NEK1: variants seen among roughly 807,000 people sequenced by gnomAD.
The protein encoded by NEK1 is NIMA related kinase 1, also known as serine/threonine-protein kinase Nek1.
Under a neutral mutation model 182.1 loss-of-function variants are expected in NEK1, and 137 were observed. The observed-to-expected ratio is 0.75, with a 90% CI of 0.65 to 0.87. The LOEUF (loss-of-function observed/expected upper bound fraction) is 0.87. Among genes scored for constraint, NEK1 ranks in the 40% least tolerant of loss-of-function variants. NEK1 has a pLI of 0.00. For synonymous variants in NEK1, 513 were observed against 492.2 expected (o/e 1.04, Z -0.56); for missense variants, 1,391 against 1,494.4 (o/e 0.93, Z 1.14).
chr4:169,602,311 A>ATTT (rs1257527561), intron 3 of NEK1, among the ~76,000 whole-genome samples: 1 of 152,176 alleles, frequency 6.6e-6, no homozygotes, highest in Admixed American at 6.5e-5. Flanking sequence ...CAGCAAGTAT[A>ATTT]TTTTTCTAAA....
chr4:169,602,142 A>G (rs1472599367), intron 3 of NEK1, 38 bp from the exon 4 acceptor site: 2 of 1,418,616 alleles, frequency 1.4e-6, no homozygotes, highest in Non-Finnish European at 2.0e-6. Flanking sequence ...AAATGAAACC[A>G]TTAATAAACA....
chr4:169,562,047 A>G, intron 13 of NEK1, 90 bp downstream of exon 13: 7 of 1,161,610 alleles, frequency 6.0e-6, no homozygotes, highest in Non-Finnish European at 8.5e-6. Context: ...AGAAATAAGG[A>G]AAGGTTTGGA....
At chr4:169,416,388 A>G (rs1734547225) in intron 31 of NEK1, among the ~76,000 whole-genome samples, 1 of 152,180 alleles carries the variant, frequency 6.6e-6, no homozygotes. Context: ...TCCTTCTCAA[A>G]CCGTGTGGTA....
intron 9 of NEK1, among the ~76,000 whole-genome samples, chr4:169,586,525 G>A (rs1767562296): frequency 6.6e-6 from 1 of 151,966 alleles, no homozygotes; most frequent in Non-Finnish European, 1.5e-5. Context: ...CTACTTAAGA[G>A]TAAACAATCC....
At chr4:169,453,086 CT>C (rs1230510567) in intron 27 of NEK1, among the ~76,000 whole-genome samples, 2 of 152,092 alleles carry the variant, frequency 1.3e-5, no homozygotes, top group Non-Finnish European at 2.9e-5. Context: ...AATAAAATAC[CT>C]AGGAATTCAA....
intron 26 of NEK1, among the ~76,000 whole-genome samples, chr4:169,474,550 T>C (rs572551912): frequency 6.6e-6 from 1 of 152,228 alleles, no homozygotes; most frequent in African/African-American, 2.4e-5. Context: ...TCTAGCACTC[T>C]AATGACACTG....
intron 27 of NEK1, among the ~76,000 whole-genome samples, chr4:169,452,907 A>C (rs1354140896): frequency 1.2e-5 from 1 of 83,094 alleles, no homozygotes; most frequent in African/African-American, 1.4e-4. Context: ...TTGTATATTT[A>C]AAACCCTATC....
chr4:169,533,644 T>G (rs1452132386), intron 19 of NEK1, among the ~76,000 whole-genome samples: 1 of 152,190 alleles, frequency 6.6e-6, no homozygotes, highest in Non-Finnish European at 1.5e-5. Context: ...ACTCATTAGA[T>G]GAGCTGAATG....
intron 12 of NEK1, among the ~76,000 whole-genome samples, chr4:169,575,093 T>C (rs980699459): frequency 6.6e-6 from 1 of 152,116 alleles, no homozygotes; most frequent in Non-Finnish European, 1.5e-5. Context: ...CTTACAGCAA[T>C]AGGAGAGTCT....
At chr4:169,500,243 T>G (rs1233081987) in intron 23 of NEK1, among the ~76,000 whole-genome samples, 1 of 152,312 alleles carries the variant, frequency 6.6e-6, no homozygotes, top group East Asian at 1.9e-4. Context: ...GCTAAGACCG[T>G]TGGAAAATCG....
At chr4:169,558,149 C>T (rs1224707379) in intron 16 of NEK1, among the ~76,000 whole-genome samples, 1 of 152,028 alleles carries the variant, frequency 6.6e-6, no homozygotes, top group Non-Finnish European at 1.5e-5. Context: ...TGAATTTAGC[C>T]CAATGCTAAT....
In NEK1 at chr4:169,479,258, G is replaced by A. The variant is rs759752349; in HGVS notation, c.2139+145C>T. 87 of 728,256 alleles carry A rather than the reference G, an allele frequency of 1.2e-4. No individual in the cohort carries two copies. The Middle Eastern group carries it at 1.9e-3, about 16-fold the overall frequency. The allele number at this position is 728,256 out of a possible 1,614,324, so 45.1% of individuals were successfully genotyped here. On this transcript the variant is annotated intron_variant, in intron 24 of 35. Coordinates refer to ENST00000507142, the MANE Select transcript of NEK1 (RefSeq NM_001199397.3). ...ATAAACAATGAGGCTCCAGTATTCTGAGTAAACTAAAATCCCTTAAAAAGT... is the reference window on the plus strand; with the variant it reads ...ATAAACAATGAGGCTCCAGTATTCTAAGTAAACTAAAATCCCTTAAAAAGT...
At chr4:169,552,458 T>C (rs1436507683) in intron 18 of NEK1, among the ~76,000 whole-genome samples, 2 of 151,820 alleles carry the variant, frequency 1.3e-5, no homozygotes, top group East Asian at 3.9e-4. Context: ...CACAATTTCA[T>C]AAAGAACATC....
chr4:169,488,796 A>G (rs1285431827), intron 23 of NEK1, among the ~76,000 whole-genome samples: 1 of 152,218 alleles, frequency 6.6e-6, no homozygotes, highest in Non-Finnish European at 1.5e-5. Flanking sequence ...ACTACCCCCC[A>G]ATATAACATC....
At chr4:169,506,134 A>G (rs1753212703) in intron 23 of NEK1, among the ~76,000 whole-genome samples, 1 of 152,008 alleles carries the variant, frequency 6.6e-6, no homozygotes, top group Non-Finnish European at 1.5e-5. Flanking sequence ...GTAAAGAAAA[A>G]GAGAGCAAAT....
intron 31 of NEK1, among the ~76,000 whole-genome samples, chr4:169,408,418 T>C (rs1212450847): frequency 6.6e-6 from 1 of 152,198 alleles, no homozygotes; most frequent in Non-Finnish European, 1.5e-5. Context: ...GAGGCTTTTT[T>C]CCCTATAGAT....
chr4:169,460,376 T>A (rs1431239670), intron 27 of NEK1, among the ~76,000 whole-genome samples: 1 of 152,056 alleles, frequency 6.6e-6, no homozygotes, highest in Non-Finnish European at 1.5e-5. Flanking sequence ...ACTCTCATTT[T>A]TTAAAAACCA....
At chr4:169,451,973 A>G (rs1020504801) in intron 27 of NEK1, among the ~76,000 whole-genome samples, 1 of 152,232 alleles carries the variant, frequency 6.6e-6, no homozygotes, top group African/African-American at 2.4e-5. Context: ...TCCCACAGAA[A>G]TACAAACTAC....
In NEK1 at chr4:169,600,282, C is replaced by T. The variant is rs189219272; in HGVS notation, c.215-1085G>A. Among the ~76,000 whole-genome samples, 7 of 152,106 alleles carry T rather than the reference C, an allele frequency of 4.6e-5. No homozygotes were observed. In the East Asian group the frequency reaches 7.7e-4, roughly 17 times the overall value. ...ATGGCTCACTGTAGCCTCGACCTCC[C>T]GAGCTCAAGCAAACCTCCCACCTTA... On this transcript the variant is annotated intron_variant, in intron 4 of 35. Transcript: ENST00000507142.
Sources: allele counts gnomAD v4.1 joint callset (sites outside exome capture counted in the v4.1 genomes callset), GRCh38; gene constraint gnomAD v4.1.1; transcripts MANE v1.5; gene names NCBI Gene and HGNC (gene_info 2026-07-23, HGNC 2026-07-21).